IMMP2L: variants seen among roughly 807,000 people sequenced by gnomAD.
The protein encoded by IMMP2L is mitochondrial inner membrane protease subunit 2.
A neutral mutation model predicts 19.3 loss-of-function variants in IMMP2L; 18 were observed. The observed-to-expected ratio is 0.93, with a 90% CI of 0.64 to 1.38. The LOEUF (loss-of-function observed/expected upper bound fraction) is 1.38, where lower values mean the gene tolerates loss of function less well. Among genes scored for constraint, IMMP2L ranks in the 40% most tolerant of loss-of-function variants. IMMP2L has a pLI of 0.00. For missense variants in IMMP2L, 233 were observed against 218.2 expected, an observed-to-expected ratio of 1.07 and a Z score of -0.43; for synonymous variants, 76 against 73.0, an observed-to-expected ratio of 1.04 and a Z score of -0.21.
chr7:110,792,570 T>C (rs913569961), intron 5 of IMMP2L, among the ~76,000 whole-genome samples: 5 of 152,114 alleles, frequency 3.3e-5, no homozygotes, highest in South Asian at 2.1e-4. Flanking sequence ...AGAATTCTCA[T>C]ATACTTCGAT....
chr7:110,717,645 C>T (rs1314086045), intron 5 of IMMP2L, among the ~76,000 whole-genome samples: 6 of 152,058 alleles, frequency 3.9e-5, no homozygotes, highest in Non-Finnish European at 4.4e-5. Flanking sequence ...GTTATGAAAA[C>T]CAAATGCAAA....
chr7:111,078,574 C>G (rs894627336), intron 3 of IMMP2L, among the ~76,000 whole-genome samples: 1 of 151,890 alleles, frequency 6.6e-6, no homozygotes, highest in Non-Finnish European at 1.5e-5. Context: ...GGAATATTTT[C>G]TACTATGCAA....
At chr7:111,035,222 A>G (rs1791215970) in intron 3 of IMMP2L, among the ~76,000 whole-genome samples, 2 of 152,316 alleles carry the variant, frequency 1.3e-5, no homozygotes, top group South Asian at 4.1e-4. Context: ...ACTTTGACCA[A>G]TAACACTGGT....
chr7:111,430,175 A>C (rs1836484951), intron 3 of IMMP2L, among the ~76,000 whole-genome samples: 1 of 151,890 alleles, frequency 6.6e-6, no homozygotes, highest in East Asian at 1.9e-4. Context: ...AAATTGGGAA[A>C]AGAGCAAAAT....
chr7:110,726,466 C>A lies in IMMP2L; in HGVS notation c.409-62745G>T, dbSNP rs573322608. Among the ~76,000 whole-genome samples, 4 of 152,144 alleles carry A rather than the reference C, an allele frequency of 2.6e-5. No individual in the cohort carries two copies. The South Asian group carries it at 8.3e-4, about 32-fold the overall frequency. ...CCCCAAGACAATAATTAGCACATTC[C>A]CAAAGAGGTGTAAGGCCATATGTTG... On this transcript the variant is annotated intron_variant, in intron 5 of 5. Transcript: ENST00000405709.
chr7:110,705,093 GCTTA>G (rs1794557801), intron 5 of IMMP2L, among the ~76,000 whole-genome samples: 4 of 129,784 alleles, frequency 3.1e-5, no homozygotes, highest in African/African-American at 1.1e-4. Flanking sequence ...TAAACTGGAA[GCTTA>G]CTATCAATGT....
intron 2 of IMMP2L, among the ~76,000 whole-genome samples, chr7:111,488,220 G>T (rs985793124): frequency 3.9e-5 from 6 of 152,014 alleles, no homozygotes; most frequent in African/African-American, 1.4e-4. Flanking sequence ...TGTAAGAAAA[G>T]ACAGTGTTCG....
At chr7:111,226,355 G>T (rs1381593330) in intron 3 of IMMP2L, among the ~76,000 whole-genome samples, 1 of 151,814 alleles carries the variant, frequency 6.6e-6, no homozygotes, top group African/African-American at 2.4e-5. Context: ...TTATTTTACA[G>T]ACAAGGTCTC....
At chr7:111,072,905 A>T (rs1268305446) in intron 3 of IMMP2L, among the ~76,000 whole-genome samples, 1 of 149,348 alleles carries the variant, frequency 6.7e-6, no homozygotes, top group Non-Finnish European at 1.5e-5. Flanking sequence ...TGTCTCCAAA[A>T]AAAAAAAAAA....
At chr7:110,925,895 T>C (rs1303974677) in intron 4 of IMMP2L, among the ~76,000 whole-genome samples, 1 of 152,056 alleles carries the variant, frequency 6.6e-6, no homozygotes, top group Non-Finnish European at 1.5e-5. Context: ...TAAAACATGG[T>C]TATGAACACA....
At chr7:111,555,076 C>T (rs1454752359) in intron 1 of IMMP2L, among the ~76,000 whole-genome samples, 2 of 152,076 alleles carry the variant, frequency 1.3e-5, no homozygotes, top group Non-Finnish European at 2.9e-5. Flanking sequence ...AAGATCAGAT[C>T]CCTATGTTAC....
chr7:110,818,274 A>T (rs1340524847), intron 5 of IMMP2L, among the ~76,000 whole-genome samples: 1 of 152,178 alleles, frequency 6.6e-6, no homozygotes, highest in Non-Finnish European at 1.5e-5. Context: ...CAAGAAAAAA[A>T]CAAACAACCC....
intron 3 of IMMP2L, among the ~76,000 whole-genome samples, chr7:111,428,413 A>G (rs1836298467): frequency 6.6e-6 from 1 of 151,990 alleles, no homozygotes; most frequent in East Asian, 1.9e-4. Context: ...ATGATTAAAA[A>G]TACTAAAATG....
intron 3 of IMMP2L, among the ~76,000 whole-genome samples, chr7:111,132,491 T>A (rs146367698): frequency 6.6e-6 from 1 of 152,034 alleles, no homozygotes; most frequent in Non-Finnish European, 1.5e-5. Context: ...ATTTTCATCC[T>A]TGTGAGTACT....
chr7:111,076,010 A>C (rs575103719), intron 3 of IMMP2L, among the ~76,000 whole-genome samples: 1 of 152,178 alleles, frequency 6.6e-6, no homozygotes, highest in African/African-American at 2.4e-5. Context: ...TCTAGTTAAA[A>C]TTTGGTCTAG....
rs189619329 is a variant in IMMP2L, at chr7:111,377,296, G to A, written c.239+109942C>T. Reference sequence around the variant, plus strand: ...GTGTGTATGCGTTCATATATATAAAGAAGGAAAACATCCCTCTATAGTACA... The same window carrying A: ...GTGTGTATGCGTTCATATATATAAAAAAGGAAAACATCCCTCTATAGTACA... On this transcript the variant is annotated intron_variant, in intron 3 of 5. Coordinates refer to ENST00000405709, the MANE Select transcript of IMMP2L (RefSeq NM_032549.4). Among the ~76,000 whole-genome samples, 185 of 151,806 alleles carry A rather than the reference G, an allele frequency of 1.2e-3. 1 individual carries two copies. The highest frequency in any genetic ancestry group is 4.2e-3 in the African/African-American group (175 of 41,424).
chr7:111,500,966 G>C (rs1844173618), intron 2 of IMMP2L, among the ~76,000 whole-genome samples: 1 of 152,190 alleles, frequency 6.6e-6, no homozygotes, highest in African/African-American at 2.4e-5. Context: ...GAACAAAGCT[G>C]GACGGAGAAT....
At position 111,372,062 on chromosome 7, in the gene IMMP2L, C is replaced by T. The variant is rs184592042; in HGVS notation, c.239+115176G>A. ...GTATTCCAATTTTGTCAAGGAGAAA[C>T]AGCCAGGATTACACAACTGCCAGTC... On this transcript the variant is annotated intron_variant, in intron 3 of 5. Coordinates refer to ENST00000405709, the MANE Select transcript of IMMP2L (RefSeq NM_032549.4). 3.9e-5 allele frequency among the ~76,000 whole-genome samples: 6 copies of T among 152,034 alleles called. 1 individual carries two copies. The highest frequency in any genetic ancestry group is 1.4e-4 in the African/African-American group (6 of 41,512).
intron 1 of IMMP2L, among the ~76,000 whole-genome samples, chr7:111,539,545 C>CT (rs1848333008): frequency 6.6e-6 from 1 of 151,830 alleles, no homozygotes; most frequent in African/African-American, 2.4e-5. Flanking sequence ...TAATGATTCC[C>CT]TGGAGTCTCA....
Sources: allele counts gnomAD v4.1 joint callset (sites outside exome capture counted in the v4.1 genomes callset), GRCh38; gene constraint gnomAD v4.1.1; transcripts MANE v1.5; gene names NCBI Gene and HGNC (gene_info 2026-07-23, HGNC 2026-07-21).